Variants in GULP1 observed in about 807,000 individuals in gnomAD.
GULP1 encodes PTB domain-containing engulfment adapter protein 1.
In GULP1, 19 loss-of-function variants were observed where a neutral mutation model predicts 40.9. The ratio of observed to expected loss-of-function variants is 0.46; its 90% confidence interval spans 0.32 to 0.68. The LOEUF (loss-of-function observed/expected upper bound fraction) is 0.68. GULP1 is among the 30% of genes least tolerant of loss of function. The pLI is 0.03. For missense variants in GULP1, 312 were observed against 362.2 expected, an observed-to-expected ratio of 0.86 and a Z score of 1.12; for synonymous variants, 119 against 117.6, an observed-to-expected ratio of 1.01 and a Z score of -0.08.
At chr2:188,409,136 A>C (rs1052096256) in intron 2 of GULP1, among the ~76,000 whole-genome samples, 2 of 152,174 alleles carry the variant, frequency 1.3e-5, no homozygotes, top group Admixed American at 6.5e-5. Context: ...AATAAAAATC[A>C]GTGCAAATAA....
chr2:188,308,299 G>T (rs1051483212), intron 1 of GULP1, among the ~76,000 whole-genome samples: 2 of 152,028 alleles, frequency 1.3e-5, no homozygotes, highest in Non-Finnish European at 2.9e-5. Flanking sequence ...TTCCATCAAG[G>T]GCTAATGGCA....
chr2:188,411,446 C>T lies in GULP1; in HGVS notation c.-45+27557C>T, dbSNP rs141773642. On this transcript the variant is annotated intron_variant, in intron 2 of 11. Transcript: ENST00000409830. ...GCTGAGCCCATGCCTAACCTCCATCCCTGCCATCATGGCCACTTTGTTCAC... is the reference window on the plus strand; with the variant it reads ...GCTGAGCCCATGCCTAACCTCCATCTCTGCCATCATGGCCACTTTGTTCAC... 2.7e-4 allele frequency among the ~76,000 whole-genome samples: 41 copies of T among 152,236 alleles called. No individual in the cohort carries two copies. In the East Asian group the frequency reaches 3.1e-3, roughly 12 times the overall value.
intron 2 of GULP1, among the ~76,000 whole-genome samples, chr2:188,454,545 G>T (rs2059101806): frequency 6.6e-6 from 1 of 152,194 alleles, no homozygotes; most frequent in Non-Finnish European, 1.5e-5. Flanking sequence ...CCTTTGACTT[G>T]AAGGTGGGGT....
At chr2:188,539,131 A>G (rs532007336) in intron 6 of GULP1, among the ~76,000 whole-genome samples, 1 of 152,234 alleles carries the variant, frequency 6.6e-6, no homozygotes, top group African/African-American at 2.4e-5. Context: ...TGAAGATTAT[A>G]GAGTGCTAGA....
intron 1 of GULP1, among the ~76,000 whole-genome samples, chr2:188,318,638 G>C (rs1265512473): frequency 1.3e-5 from 2 of 148,430 alleles, no homozygotes; most frequent in Non-Finnish European, 3.0e-5. Context: ...CATTGGCATG[G>C]TGAGTTACTA....
intron 4 of GULP1, among the ~76,000 whole-genome samples, chr2:188,502,014 T>TA (rs562145341): frequency 6.6e-5 from 10 of 151,944 alleles, no homozygotes; most frequent in Non-Finnish European, 1.2e-4. Flanking sequence ...TTTAATGCCT[T>TA]AACTGATAAA....
At chr2:188,527,344 T>C (rs1212624129) in intron 5 of GULP1, among the ~76,000 whole-genome samples, 2 of 152,174 alleles carry the variant, frequency 1.3e-5, no homozygotes, top group Non-Finnish European at 2.9e-5. Context: ...CAGCTGAGAA[T>C]GCTTCTGCAG....
At chr2:188,490,294 G>A (rs897188801) in intron 4 of GULP1, among the ~76,000 whole-genome samples, 2 of 152,042 alleles carry the variant, frequency 1.3e-5, no homozygotes, top group African/African-American at 2.4e-5. Context: ...TGAAGTATCC[G>A]ATCCTGTTCA....
chr2:188,443,380 A>T (rs115073509), intron 2 of GULP1, among the ~76,000 whole-genome samples: 30 of 152,288 alleles, frequency 2.0e-4, no homozygotes, highest in Admixed American at 1.4e-3. Context: ...GAATGTTCAA[A>T]GTCTGATCTA....
intron 4 of GULP1, among the ~76,000 whole-genome samples, chr2:188,497,187 G>A (rs1425894296): frequency 1.3e-5 from 2 of 152,000 alleles, no homozygotes; most frequent in Non-Finnish European, 2.9e-5. Flanking sequence ...AGTCCTGCTA[G>A]CATTGTGTCA....
chr2:188,462,098 G>C (rs2059754924), intron 2 of GULP1, among the ~76,000 whole-genome samples: 1 of 151,942 alleles, frequency 6.6e-6, no homozygotes, highest in Admixed American at 6.6e-5. Context: ...TGCTTTTGCT[G>C]TATCCAGTGT....
chr2:188,418,369 T>C (rs1200435022), intron 2 of GULP1, among the ~76,000 whole-genome samples: 2 of 152,148 alleles, frequency 1.3e-5, no homozygotes, highest in African/African-American at 4.8e-5. Context: ...CAGTGGCTCA[T>C]GCCTGTAATC....
At chr2:188,309,452 C>T (rs114285625) in intron 1 of GULP1, among the ~76,000 whole-genome samples, 4 of 152,038 alleles carry the variant, frequency 2.6e-5, no homozygotes, top group Admixed American at 6.6e-5. Flanking sequence ...GGCAATAGAG[C>T]GAGACCCTCT....
At position 188,363,637 on chromosome 2, in the gene GULP1, G is replaced by A. The variant is rs191496425; in HGVS notation, c.-171-20126G>A. ...TCTCTGACACTAATGGAATGAAGAC[G>A]AAGGTATACATTTTAACACTCTTTT... On this transcript the variant is annotated intron_variant, in intron 1 of 11. Coordinates refer to ENST00000409830, the MANE Select transcript of GULP1 (RefSeq NM_016315.4). Among the ~76,000 whole-genome samples the A allele has an allele frequency of 2.1e-3, 313 of 152,204 alleles. 1 individual carries two copies. The highest frequency in any genetic ancestry group is 2.6e-3 in the Non-Finnish European group (180 of 67,990).
rs541493622 is a variant in GULP1, at chr2:188,293,647, A to G, written c.-172+1481A>G. Among the ~76,000 whole-genome samples the G allele has an allele frequency of 6.6e-5, 10 of 152,308 alleles. No individual in the cohort carries two copies. In the South Asian group the frequency reaches 2.1e-3, roughly 32 times the overall value. ...AGTAGCCTTGGCTGGAAAACCCACA[A>G]ATTGGGAGAGTGCAGTCGCTGGTGA... On this transcript the variant is annotated intron_variant, in intron 1 of 11. Coordinates refer to ENST00000409830, the MANE Select transcript of GULP1 (RefSeq NM_016315.4).
At chr2:188,361,992 C>T (rs2046160518) in intron 1 of GULP1, among the ~76,000 whole-genome samples, 2 of 151,992 alleles carry the variant, frequency 1.3e-5, no homozygotes, top group Admixed American at 6.6e-5. Flanking sequence ...TATTGTTCCT[C>T]AATTTTAAAA....
At chr2:188,559,891 C>T (rs1160171778) in intron 7 of GULP1, among the ~76,000 whole-genome samples, 1 of 152,154 alleles carries the variant, frequency 6.6e-6, no homozygotes, top group Non-Finnish European at 1.5e-5. Context: ...CTCATGAGAT[C>T]TGATAGTTTT....
intron 4 of GULP1, among the ~76,000 whole-genome samples, chr2:188,492,044 A>C (rs1049930250): frequency 2.0e-5 from 3 of 152,074 alleles, no homozygotes; most frequent in Admixed American, 6.6e-5. Flanking sequence ...GACTCCAGAT[A>C]GTATATCAGA....
At chr2:188,589,702 T>C in intron 11 of GULP1, 1 of 1,216,154 alleles carries the variant, frequency 8.2e-7, no homozygotes, top group Non-Finnish European at 1.1e-6. Context: ...ATTTTCTTAA[T>C]GTCTTTTTAA....
Sources: allele counts gnomAD v4.1 joint callset (sites outside exome capture counted in the v4.1 genomes callset), GRCh38; gene constraint gnomAD v4.1.1; transcripts MANE v1.5; gene names NCBI Gene and HGNC (gene_info 2026-07-23, HGNC 2026-07-21).